The following ZFAND3 variants were observed in gnomAD, a reference collection of about 807,000 sequenced individuals.
The protein encoded by ZFAND3 is AN1-type zinc finger protein 3.
A neutral mutation model predicts 29.6 loss-of-function variants in ZFAND3; 10 were observed. The observed-to-expected ratio is 0.34, with a 90% CI of 0.21 to 0.57. The LOEUF is 0.57. ZFAND3 is among the 20% of genes least tolerant of loss of function. ZFAND3 has a pLI of 0.86. For synonymous variants in ZFAND3, 128 were observed against 112.6 expected, an observed-to-expected ratio of 1.14 and a Z score of -0.87; for missense variants, 230 against 304.5, an observed-to-expected ratio of 0.76 and a Z score of 1.82.
intron 2 of ZFAND3, among the ~76,000 whole-genome samples, chr6:38,006,655 GTT>G (rs5875608): frequency 0.47 from 62,429 of 133,068 alleles, 15,335 homozygotes; most frequent in Non-Finnish European, 0.57. Flanking sequence ...GAGGAAGAGG[GTT>G]TTTTTTTTTT....
At chr6:37,864,503 A>G (rs568721830) in intron 1 of ZFAND3, among the ~76,000 whole-genome samples, 110 of 152,238 alleles carry the variant, frequency 7.2e-4, no homozygotes, top group African/African-American at 2.4e-3. Context: ...TCTTAATTAA[A>G]TATGAGTACT....
chr6:38,007,038 A>G (rs981340601), intron 2 of ZFAND3, among the ~76,000 whole-genome samples: 10 of 152,168 alleles, frequency 6.6e-5, no homozygotes, highest in African/African-American at 2.4e-4. Flanking sequence ...TATCAGGGTA[A>G]GCAGTTTTTA....
At position 38,015,383 on chromosome 6, in the gene ZFAND3, A is replaced by G. The variant is rs553467481; in HGVS notation, c.113-46210A>G. Among the ~76,000 whole-genome samples, 4 of 152,340 alleles carry G rather than the reference A, an allele frequency of 2.6e-5. No individual in the cohort carries two copies. The East Asian group carries it at 7.7e-4, about 29-fold the overall frequency. On this transcript the variant is annotated intron_variant, in intron 2 of 5. Coordinates refer to ENST00000287218, the MANE Select transcript of ZFAND3 (RefSeq NM_021943.3). The stretch of plus-strand genomic sequence containing the variant: ...CTATTGGTGGGTGTAAGAATTGAAT[A>G]CTGCCTTCATGAACAGTTTGGCAAT...
At chr6:38,111,538 C>G (rs1046828611) in intron 4 of ZFAND3, among the ~76,000 whole-genome samples, 1 of 152,174 alleles carries the variant, frequency 6.6e-6, no homozygotes, top group Non-Finnish European at 1.5e-5. Context: ...ACTCCTCCTT[C>G]GTCTCCTCCT....
chr6:37,836,272 C>A (rs1212600429), intron 1 of ZFAND3, among the ~76,000 whole-genome samples: 1 of 148,126 alleles, frequency 6.8e-6, no homozygotes, highest in Non-Finnish European at 1.5e-5. Flanking sequence ...TCATCCTTGA[C>A]CTTTTTTCTT....
chr6:37,903,806 G>C (rs1205107382), intron 1 of ZFAND3, among the ~76,000 whole-genome samples: 1 of 152,136 alleles, frequency 6.6e-6, no homozygotes, highest in Non-Finnish European at 1.5e-5. Flanking sequence ...TCTATCCTCT[G>C]TACCTTGTAA....
chr6:38,088,997 T>A (rs1561994671), intron 4 of ZFAND3, among the ~76,000 whole-genome samples: 1 of 151,448 alleles, frequency 6.6e-6, no homozygotes, highest in Non-Finnish European at 1.5e-5. Flanking sequence ...CTCCCTATTT[T>A]CGGTCACCTG....
chr6:37,830,130 A>G (rs1278573765), intron 1 of ZFAND3, among the ~76,000 whole-genome samples: 1 of 152,190 alleles, frequency 6.6e-6, no homozygotes, highest in Non-Finnish European at 1.5e-5. Context: ...GGACAGGAAG[A>G]GTAGACTGTT....
At chr6:37,908,743 G>GAAAAAA (rs202057469) in intron 1 of ZFAND3, among the ~76,000 whole-genome samples, 1 of 97,254 alleles carries the variant, frequency 1.0e-5, no homozygotes, top group African/African-American at 3.6e-5. Context: ...AATTTTCAAA[G>GAAAAAA]AAAAAAAAAA....
chr6:37,888,131 A>G (rs1219032359), intron 1 of ZFAND3, among the ~76,000 whole-genome samples: 3 of 151,430 alleles, frequency 2.0e-5, no homozygotes, highest in Non-Finnish European at 3.0e-5. Context: ...ACCTACGTCT[A>G]CAGCTATAAA....
At position 37,854,776 on chromosome 6, in the gene ZFAND3, C is replaced by T. The variant is rs866450484; in HGVS notation, c.71+34760C>T. On this transcript the variant is annotated intron_variant, in intron 1 of 5. Transcript: ENST00000287218. ...CATAGGCTAAAATGCCCCCCCCCCCCTTTTTTTTTAAGAAGTAGGCTGACC... is the reference window on the plus strand; with the variant it reads ...CATAGGCTAAAATGCCCCCCCCCCCTTTTTTTTTTAAGAAGTAGGCTGACC... Among the ~76,000 whole-genome samples, 144 of 80,548 alleles carry T rather than the reference C, an allele frequency of 1.8e-3. 1 individual carries two copies. The highest frequency in any genetic ancestry group is 0.012 in the East Asian group (13 of 1,110). The allele number at this position is 80,548 out of a possible 152,430, so 52.8% of individuals were successfully genotyped here. A position where few individuals can be genotyped will look rare whatever the true frequency, so the allele number is the denominator to read the frequency against.
intron 1 of ZFAND3, among the ~76,000 whole-genome samples, chr6:37,923,614 A>G (rs1232840419): frequency 2.0e-5 from 3 of 152,232 alleles, no homozygotes; most frequent in Admixed American, 2.0e-4. Flanking sequence ...TTTTTTATCA[A>G]GTATTATGTA....
intron 2 of ZFAND3, among the ~76,000 whole-genome samples, chr6:37,995,989 C>T (rs1040304555): frequency 1.3e-5 from 2 of 151,652 alleles, no homozygotes; most frequent in Non-Finnish European, 2.9e-5. Flanking sequence ...ATTAGCCGGG[C>T]GTGGTGGTGG....
intron 5 of ZFAND3, among the ~76,000 whole-genome samples, chr6:38,144,217 TA>T (rs540178824): frequency 0.43 from 42,260 of 97,974 alleles, 8,652 homozygotes; most frequent in African/African-American, 0.5. Context: ...ATATAATATA[TA>T]ATATATATAT....
chr6:37,984,859 G>C (rs763219883), intron 2 of ZFAND3, among the ~76,000 whole-genome samples: 6 of 152,186 alleles, frequency 3.9e-5, no homozygotes, highest in Non-Finnish European at 7.3e-5. Flanking sequence ...GGAAGCCTAG[G>C]ACTTAGTCTG....
At chr6:38,093,690 A>G (rs1191315393) in intron 4 of ZFAND3, among the ~76,000 whole-genome samples, 1 of 152,186 alleles carries the variant, frequency 6.6e-6, no homozygotes, top group Non-Finnish European at 1.5e-5. Flanking sequence ...ATCACTGGAA[A>G]ACCTGAACGA....
chr6:37,845,827 C>T (rs1385688817), intron 1 of ZFAND3, among the ~76,000 whole-genome samples: 1 of 152,230 alleles, frequency 6.6e-6, no homozygotes, highest in Non-Finnish European at 1.5e-5. Flanking sequence ...TTCCTAACTT[C>T]TGAGCTTAAA....
chr6:37,952,717 C>G (rs1762019488), intron 2 of ZFAND3, among the ~76,000 whole-genome samples: 1 of 152,100 alleles, frequency 6.6e-6, no homozygotes, highest in Admixed American at 6.5e-5. Context: ...TGGGCTACTT[C>G]TCACCAATTT....
chr6:38,061,910 C>T, intron 3 of ZFAND3, 135 bp downstream of exon 3: 1 of 1,050,966 alleles, frequency 9.5e-7, no homozygotes, highest in African/African-American at 1.6e-5. Context: ...AAGGCCCAAG[C>T]TCAGCAAGTT....
Sources: allele counts gnomAD v4.1 joint callset (sites outside exome capture counted in the v4.1 genomes callset), GRCh38; gene constraint gnomAD v4.1.1; transcripts MANE v1.5; gene names NCBI Gene and HGNC (gene_info 2026-07-23, HGNC 2026-07-21).